The following NFATC3 variants were observed in gnomAD, a reference collection of about 807,000 sequenced individuals.
NFATC3 encodes the protein nuclear factor of activated T cells 3, also known as nuclear factor of activated T-cells, cytoplasmic 3.
In NFATC3, 46 loss-of-function variants were observed where a neutral mutation model predicts 98.6. That is an observed-to-expected ratio of 0.47 (90% CI 0.37 to 0.60). The LOEUF is 0.60. Ranked by LOEUF, NFATC3 falls within the 20% of genes least tolerant of loss-of-function variation. NFATC3 has a pLI of 0.00. For synonymous variants in NFATC3, 512 were observed against 472.2 expected, an observed-to-expected ratio of 1.08 and a Z score of -1.09; for missense variants, 1,256 against 1,295.5, an observed-to-expected ratio of 0.97 and a Z score of 0.47.
intron 6 of NFATC3, among the ~76,000 whole-genome samples, chr16:68,174,954 G>A (rs1232083581): frequency 3.3e-5 from 5 of 152,162 alleles, no homozygotes; most frequent in African/African-American, 4.8e-5. Context: ...ATACGTGTCC[G>A]TACATGAACT....
rs144982349 is a variant in NFATC3, at chr16:68,191,060, T to C, written c.2391T>C (p.Pro797=). The change falls in exon 9 of 10, where the codon CCT becomes CCC. Residue 797 remains proline, a synonymous_variant. Coordinates refer to ENST00000346183, the MANE Select transcript of NFATC3 (RefSeq NM_173165.3). ...HQPFQVTPTP[P]VGSSYQPMQT... The stretch of plus-strand genomic sequence containing the variant: ...CTTTTCAAGTCACACCAACACCTCC[T>C]GTGGGGTCTTCCTATCAGCCTATGC... 2.0e-5 allele frequency: 33 copies of C among 1,614,100 alleles called. No individual in the cohort carries two copies. Among genetic ancestry groups the C allele is most frequent in the Non-Finnish European group, 2.6e-5 (31 of 1,180,048 alleles).
intron 1 of NFATC3, among the ~76,000 whole-genome samples, chr16:68,120,731 T>TCAAACAAA (rs57145448): frequency 0.11 from 16,823 of 150,958 alleles, 1,103 homozygotes; most frequent in South Asian, 0.18. Context: ...AGACTCCATC[T>TCAAACAAA]CAAACAAACA....
chr16:68,167,114 G>A (rs2039231406), intron 5 of NFATC3, 99 bp downstream of exon 5: 2 of 1,252,054 alleles, frequency 1.6e-6, no homozygotes, highest in African/African-American at 3.0e-5. Flanking sequence ...GCAAACTGAG[G>A]CATACAATCT....
chr16:68,182,014 T>A (rs1723143783), intron 7 of NFATC3, among the ~76,000 whole-genome samples: 1 of 152,176 alleles, frequency 6.6e-6, no homozygotes, highest in South Asian at 2.1e-4. Flanking sequence ...GATAACCAGT[T>A]AGTGTCTTCT....
At chr16:68,146,746 T>C (rs981913026) in intron 3 of NFATC3, among the ~76,000 whole-genome samples, 1 of 152,222 alleles carries the variant, frequency 6.6e-6, no homozygotes, top group Admixed American at 6.5e-5. Context: ...CCCTCCAGCT[T>C]TAGTTAAATT....
chr16:68,096,328 T>C (rs1357096738), intron 1 of NFATC3, among the ~76,000 whole-genome samples: 1 of 152,162 alleles, frequency 6.6e-6, no homozygotes, highest in Non-Finnish European at 1.5e-5. Context: ...AGAAACTAGC[T>C]GTTGTTAAAG....
intron 9 of NFATC3, chr16:68,221,229 A>T (rs1263208375): frequency 6.2e-7 from 1 of 1,614,186 alleles, no homozygotes; most frequent in South Asian, 1.1e-5. Flanking sequence ...GACTTGCTTC[A>T]GTTGAGACCT....
In NFATC3 at chr16:68,180,296, C is replaced by G. The variant is rs116333395; in HGVS notation, c.1916-1179C>G. Among the ~76,000 whole-genome samples the G allele has an allele frequency of 3.9e-3, 594 of 152,162 alleles. 2 individuals carry two copies. The highest frequency in any genetic ancestry group is 0.014 in the African/African-American group (574 of 41,494). ...CAATCAAGATTTTATTTTGTGACGG[C>G]AAGGAATAATGTTTAGCCTAGTTGT... On this transcript the variant is annotated intron_variant, in intron 6 of 9. Transcript: ENST00000346183.
chr16:68,167,050 T>C (rs899979377), intron 5 of NFATC3, 35 bp downstream of exon 5: 1 of 1,580,308 alleles, frequency 6.3e-7, no homozygotes, highest in African/African-American at 1.4e-5. Flanking sequence ...TAAGATCTTG[T>C]GTATAATAGC....
intron 9 of NFATC3, among the ~76,000 whole-genome samples, chr16:68,195,047 G>A (rs1292474309): frequency 2.6e-5 from 4 of 151,386 alleles, no homozygotes; most frequent in Non-Finnish European, 5.9e-5. Context: ...AAGGTCAGGA[G>A]TTGGAGACCA....
chr16:68,175,853 G>A lies in NFATC3; in HGVS notation c.1915+1339G>A, dbSNP rs77222793. 2.5e-3 allele frequency among the ~76,000 whole-genome samples: 373 copies of A among 152,224 alleles called. 1 individual carries two copies. The highest frequency in any genetic ancestry group is 8.5e-3 in the African/African-American group (353 of 41,508). ...TAGGATCTACGCGCCAGTCATGAAA[G>A]ACTGTTTTTATAAGAATAATATAAT... On this transcript the variant is annotated intron_variant, in intron 6 of 9. Transcript: ENST00000346183.
chr16:68,157,597 C>G (rs1167895769), intron 3 of NFATC3, among the ~76,000 whole-genome samples: 1 of 151,998 alleles, frequency 6.6e-6, no homozygotes. Flanking sequence ...AGTCAGAAAG[C>G]TTTGTACAGT....
intron 1 of NFATC3, among the ~76,000 whole-genome samples, chr16:68,105,096 T>G (rs1179759915): frequency 6.6e-6 from 1 of 150,672 alleles, no homozygotes; most frequent in Non-Finnish European, 1.5e-5. Context: ...TGTGGGTTTT[T>G]TTTTTTTTTT....
At chr16:68,116,805 CTTTT>C (rs796720628) in intron 1 of NFATC3, among the ~76,000 whole-genome samples, 21 of 143,228 alleles carry the variant, frequency 1.5e-4, no homozygotes, top group Non-Finnish European at 2.6e-4. Flanking sequence ...ACTTTCTGTC[CTTTT>C]TTTTTTTTCT....
At chr16:68,108,896 G>A (rs2035803492) in intron 1 of NFATC3, among the ~76,000 whole-genome samples, 1 of 152,168 alleles carries the variant, frequency 6.6e-6, no homozygotes, top group South Asian at 2.1e-4. Flanking sequence ...TGGCGTAAAG[G>A]AATGCTTGTG....
Position 68,191,623 on chromosome 16 carries a change from G to A in NFATC3, c.2954G>A (p.Gly985Asp). ...CAAGCACAAAGTACGGGCCAGGGGG[G>A]TCTTTCTGCACCTTCATCCTTAATA... ...STQAQSTGQG[G>D]LSAPSSLICH... The change falls in exon 9 of 10, where the codon GGT becomes GAT. Residue 985 changes from glycine to aspartate, a missense_variant. Transcript: ENST00000346183. The A allele has an allele frequency of 2.5e-6, 4 of 1,614,154 alleles. No individual in the cohort carries two copies. The highest frequency in any genetic ancestry group is 2.2e-5 in the East Asian group (1 of 44,882).
chr16:68,153,554 T>C (rs1334281391), intron 3 of NFATC3, among the ~76,000 whole-genome samples: 5 of 152,150 alleles, frequency 3.3e-5, no homozygotes, highest in Non-Finnish European at 5.9e-5. Flanking sequence ...TCGACTACAG[T>C]GTGACCAGCA....
rs750217546 is a variant in NFATC3 at position 68,166,819 on chromosome 16, A to G, written c.1602-24A>G. ...AACCATGATTATCAATAAACAAATT[A>G]AATTTTTGTATTTTTCTCTTTAGTA... On this transcript the variant is annotated intron_variant, in intron 4 of 9. Transcript: ENST00000346183. 4.5e-6 allele frequency: 7 copies of G among 1,565,048 alleles called. No individual in the cohort carries two copies. The African/African-American group carries it at 8.2e-5, about 18-fold the overall frequency.
chr16:68,228,792 C>T lies in NFATC3; in HGVS notation c.*2321C>T, dbSNP rs1057067164. On this transcript the variant is annotated 3_prime_UTR_variant, in exon 10 of 10. Transcript: ENST00000346183. Reference sequence around the variant, plus strand: ...ACGTGCTAGTACGCACCCCCTCCTACTCTAACTGTGCTAGCTCTTGGGTTG... The same window carrying T: ...ACGTGCTAGTACGCACCCCCTCCTATTCTAACTGTGCTAGCTCTTGGGTTG... 6.6e-6 allele frequency: 1 copy of T among 152,508 alleles called. No individual in the cohort carries two copies. Among genetic ancestry groups the T allele is most frequent in the African/African-American group, 2.4e-5 (1 of 41,476 alleles). The allele number at this position is 152,508 out of a possible 1,614,324, so 9.4% of individuals were successfully genotyped here.
Sources: allele counts gnomAD v4.1 joint callset (sites outside exome capture counted in the v4.1 genomes callset), GRCh38; gene constraint gnomAD v4.1.1; transcripts MANE v1.5; gene names NCBI Gene and HGNC (gene_info 2026-07-23, HGNC 2026-07-21).